Variants in ROBO2 observed in about 807,000 individuals in gnomAD.
ROBO2 encodes roundabout homolog 2.
ROBO2 carries 53 observed loss-of-function variants against 160.8 expected under a neutral mutation model. The observed-to-expected ratio is 0.33, with a 90% CI of 0.26 to 0.41. ROBO2 has a LOEUF of 0.41. Among genes scored for constraint, ROBO2 ranks in the 10% least tolerant of loss-of-function variants. The pLI, the probability that ROBO2 is intolerant of heterozygous loss-of-function variation, is 1.00. For missense variants in ROBO2, 1,577 were observed against 1,722.4 expected (o/e 0.92, Z 1.49); for synonymous variants, 664 against 611.7 (o/e 1.09, Z -1.26).
At chr3:76,053,635 A>G (rs946622196) in intron 2 of ROBO2, among the ~76,000 whole-genome samples, 1 of 152,074 alleles carries the variant, frequency 6.6e-6, no homozygotes, top group African/African-American at 2.4e-5. Flanking sequence ...GTAATGTAGG[A>G]TGCACTAGGA....
intron 2 of ROBO2, among the ~76,000 whole-genome samples, chr3:76,564,798 G>C (rs770314852): frequency 5.9e-5 from 9 of 152,118 alleles, no homozygotes; most frequent in Non-Finnish European, 1.2e-4. Flanking sequence ...TAAATGTACT[G>C]GTTTAAGAGA....
At chr3:76,969,421 C>T (rs2059463079) in intron 2 of ROBO2, among the ~76,000 whole-genome samples, 2 of 152,072 alleles carry the variant, frequency 1.3e-5, no homozygotes, top group African/African-American at 4.8e-5. Context: ...CTTTAAGCTG[C>T]ATTGTATCGT....
intron 2 of ROBO2, among the ~76,000 whole-genome samples, chr3:77,438,695 A>G (rs2079589218): frequency 6.6e-6 from 1 of 152,034 alleles, no homozygotes; most frequent in Non-Finnish European, 1.5e-5. Flanking sequence ...GTAACCATTT[A>G]AAAATGTAAA....
At position 76,024,119 on chromosome 3, in the gene ROBO2, C is replaced by T. The variant is rs1277126831; in HGVS notation, c.109+86517C>T. Reference sequence around the variant, plus strand: ...ATTAAACAATGGTTGCTTAAATGAACTACTGCTTTATTAAGCAAGAAACAA... The same window carrying T: ...ATTAAACAATGGTTGCTTAAATGAATTACTGCTTTATTAAGCAAGAAACAA... On this transcript the variant is annotated intron_variant, in intron 2 of 26. Transcript: ENST00000487694. Among the ~76,000 whole-genome samples the T allele has an allele frequency of 3.4e-4, 51 of 151,232 alleles. No homozygotes were observed. The Admixed American group carries it at 3.4e-3, about 10-fold the overall frequency.
intron 2 of ROBO2, among the ~76,000 whole-genome samples, chr3:76,133,402 G>T (rs2106694088): frequency 1.3e-5 from 2 of 151,834 alleles, no homozygotes; most frequent in South Asian, 4.2e-4. Context: ...TTAGTCTCTA[G>T]AGACTAATAC....
intron 1 of ROBO2, among the ~76,000 whole-genome samples, chr3:77,074,262 C>A (rs4254696): frequency 6.6e-6 from 1 of 152,204 alleles, no homozygotes; most frequent in Non-Finnish European, 1.5e-5. Flanking sequence ...TACCTTTAAA[C>A]TGTCTCCAGA....
intron 2 of ROBO2, among the ~76,000 whole-genome samples, chr3:76,376,241 T>A (rs1576768555): frequency 6.6e-6 from 1 of 152,214 alleles, no homozygotes; most frequent in East Asian, 1.9e-4. Flanking sequence ...AACAAATAAT[T>A]CACTTAGGTC....
chr3:76,260,656 A>G (rs1300631006), intron 2 of ROBO2, among the ~76,000 whole-genome samples: 2 of 152,170 alleles, frequency 1.3e-5, no homozygotes, highest in Non-Finnish European at 1.5e-5. Context: ...ATACAAATAT[A>G]AAACAGACCT....
At chr3:77,460,767 T>C (rs1360622233) in intron 2 of ROBO2, among the ~76,000 whole-genome samples, 1 of 152,184 alleles carries the variant, frequency 6.6e-6, no homozygotes, top group Non-Finnish European at 1.5e-5. Flanking sequence ...CTAGCACTTA[T>C]TATAGATAAG....
chr3:77,621,995 G>A (rs902729360), intron 22 of ROBO2, among the ~76,000 whole-genome samples: 9 of 151,122 alleles, frequency 6.0e-5, no homozygotes, highest in African/African-American at 1.9e-4. Flanking sequence ...TTTTTTCTCC[G>A]TGTGTTATCC....
At chr3:77,173,699 T>TA (rs1432824073) in intron 2 of ROBO2, among the ~76,000 whole-genome samples, 2 of 152,242 alleles carry the variant, frequency 1.3e-5, no homozygotes, top group South Asian at 2.1e-4. Context: ...TTAAAATTCT[T>TA]AAAAAAATCA....
intron 2 of ROBO2, among the ~76,000 whole-genome samples, chr3:76,003,532 T>A (rs536406419): frequency 6.6e-6 from 1 of 152,306 alleles, no homozygotes; most frequent in Admixed American, 6.5e-5. Flanking sequence ...TATGTGCCAA[T>A]TGGAAATTTT....
chr3:77,582,136 C>T (rs1369473510), intron 16 of ROBO2, among the ~76,000 whole-genome samples: 1 of 152,064 alleles, frequency 6.6e-6, no homozygotes, highest in Non-Finnish European at 1.5e-5. Context: ...ATTTAATGTG[C>T]AGTTCTATTA....
chr3:77,506,326 A>C (rs2088517634), intron 5 of ROBO2, among the ~76,000 whole-genome samples: 1 of 152,174 alleles, frequency 6.6e-6, no homozygotes, highest in East Asian at 1.9e-4. Flanking sequence ...TCCATTGTGC[A>C]CACTTGGAAC....
intron 1 of ROBO2, among the ~76,000 whole-genome samples, chr3:77,041,842 A>G (rs1027611016): frequency 3.3e-5 from 5 of 151,946 alleles, no homozygotes; most frequent in African/African-American, 9.7e-5. Context: ...TTAGGTTTTT[A>G]GTTACTTTCT....
At chr3:76,456,026 A>G (rs1401945085) in intron 2 of ROBO2, among the ~76,000 whole-genome samples, 2 of 152,158 alleles carry the variant, frequency 1.3e-5, no homozygotes, top group East Asian at 1.9e-4. Context: ...AAGACAATAC[A>G]TGTCTCATTA....
intron 2 of ROBO2, among the ~76,000 whole-genome samples, chr3:76,743,241 A>C (rs544301517): frequency 6.6e-6 from 1 of 152,266 alleles, no homozygotes; most frequent in Non-Finnish European, 1.5e-5. Context: ...TTAGACCCAA[A>C]TGGAGACTTG....
At chr3:77,134,506 G>A (rs1315664233) in intron 2 of ROBO2, among the ~76,000 whole-genome samples, 1 of 152,186 alleles carries the variant, frequency 6.6e-6, no homozygotes, top group African/African-American at 2.4e-5. Context: ...GAAGGATAAA[G>A]GTTAACTTAG....
chr3:76,110,657 C>T (rs1167781820), intron 2 of ROBO2, among the ~76,000 whole-genome samples: 2 of 151,910 alleles, frequency 1.3e-5, no homozygotes, highest in African/African-American at 4.8e-5. Context: ...CATCCCTGTG[C>T]AGTGTGGGAT....
Sources: gnomAD v4.1 joint callset for allele counts (sites outside exome capture counted in the v4.1 genomes callset) on GRCh38, gnomAD v4.1.1 for gene constraint, MANE v1.5 for transcripts, NCBI Gene and HGNC (gene_info 2026-07-23, HGNC 2026-07-21) for gene names.